The following PTGER3 variants were observed in gnomAD, a reference collection of about 807,000 sequenced individuals.
PTGER3 encodes the protein prostaglandin E2 receptor EP3 subtype.
In PTGER3, 22 loss-of-function variants were observed where a neutral mutation model predicts 34.7. The ratio of observed to expected loss-of-function variants is 0.63; its 90% confidence interval spans 0.45 to 0.91. PTGER3 has a LOEUF of 0.91. PTGER3 is among the 40% of genes least tolerant of loss of function. PTGER3 has a pLI of 0.00. For synonymous variants in PTGER3, 241 were observed against 230.1 expected (o/e 1.05, Z -0.43); for missense variants, 468 against 519.4 (o/e 0.90, Z 0.96).
intron 1 of PTGER3, among the ~76,000 whole-genome samples, chr1:71,037,648 T>G (rs533574521): frequency 3.0e-4 from 46 of 152,358 alleles, no homozygotes; most frequent in African/African-American, 1.1e-3. Context: ...TTAATCTATT[T>G]AGAGCTACAG....
chr1:70,900,074 G>C (rs1352785824), intron 4 of PTGER3, among the ~76,000 whole-genome samples: 1 of 152,102 alleles, frequency 6.6e-6, no homozygotes, highest in Admixed American at 6.5e-5. Context: ...AAAACCTAAA[G>C]CTACCAATTT....
intron 4 of PTGER3, among the ~76,000 whole-genome samples, chr1:70,922,482 C>A (rs1445760182): frequency 6.6e-6 from 1 of 152,178 alleles, no homozygotes; most frequent in East Asian, 1.9e-4. Flanking sequence ...CCTTGCTTTA[C>A]AGCTAGGTAA....
chr1:70,879,004 T>A (rs1646330025), intron 4 of PTGER3, among the ~76,000 whole-genome samples: 1 of 152,196 alleles, frequency 6.6e-6, no homozygotes, highest in African/African-American at 2.4e-5. Flanking sequence ...AAATGTTGTG[T>A]CCACATCTTG....
intron 4 of PTGER3, among the ~76,000 whole-genome samples, chr1:70,899,572 A>G (rs537104694): frequency 3.3e-5 from 5 of 152,106 alleles, no homozygotes; most frequent in Admixed American, 6.5e-5. Context: ...GGCATGAGCC[A>G]GATTATATGG....
intron 4 of PTGER3, among the ~76,000 whole-genome samples, chr1:70,876,611 C>T (rs911319557): frequency 3.3e-5 from 5 of 151,960 alleles, no homozygotes; most frequent in Admixed American, 3.3e-4. Context: ...GCCTTTAATC[C>T]ATCTTGAGTT....
chr1:71,031,348 G>A (rs945279473), intron 1 of PTGER3, among the ~76,000 whole-genome samples: 5 of 151,634 alleles, frequency 3.3e-5, no homozygotes, highest in East Asian at 1.9e-4. Context: ...ATGTTTCTAC[G>A]AATAAATTGG....
At chr1:71,039,493 A>AC (rs1660098709) in intron 1 of PTGER3, among the ~76,000 whole-genome samples, 1 of 151,826 alleles carries the variant, frequency 6.6e-6, no homozygotes, top group African/African-American at 2.4e-5. Context: ...TACTAAAAAT[A>AC]GAAAAAATTA....
At chr1:70,991,449 A>G (rs1655471689) in intron 2 of PTGER3, among the ~76,000 whole-genome samples, 1 of 152,156 alleles carries the variant, frequency 6.6e-6, no homozygotes, top group Non-Finnish European at 1.5e-5. Context: ...TCTGAGCCAG[A>G]ATACTAGGGT....
chr1:70,873,511 A>G (rs1646206851), intron 4 of PTGER3, among the ~76,000 whole-genome samples: 2 of 152,064 alleles, frequency 1.3e-5, no homozygotes, highest in Non-Finnish European at 2.9e-5. Context: ...ACATTCTTAC[A>G]ACGTATTTTC....
chr1:71,007,328 A>AAATT, intron 2 of PTGER3: 1 of 985,820 alleles, frequency 1.0e-6, no homozygotes, highest in Non-Finnish European at 1.2e-6. Context: ...GTACAAAAAC[A>AAATT]TTTGATAAGG....
chr1:71,028,043 A>G (rs540362849), intron 1 of PTGER3, among the ~76,000 whole-genome samples: 4 of 152,106 alleles, frequency 2.6e-5, no homozygotes, highest in Admixed American at 6.5e-5. Flanking sequence ...CTGTGTAGGT[A>G]TCATCACTGC....
intron 4 of PTGER3, among the ~76,000 whole-genome samples, chr1:70,937,318 T>A (rs1339620789): frequency 1.3e-5 from 2 of 152,186 alleles, no homozygotes; most frequent in Non-Finnish European, 2.9e-5. Context: ...TTGTAAAGCA[T>A]TTAACATTCC....
At chr1:71,036,285 A>G (rs1659813844) in intron 1 of PTGER3, among the ~76,000 whole-genome samples, 1 of 152,198 alleles carries the variant, frequency 6.6e-6, no homozygotes, top group South Asian at 2.1e-4. Flanking sequence ...TTTGAAGCCA[A>G]AAAACTTGGA....
Position 71,005,839 on chromosome 1 carries a change from C to A in PTGER3, c.1077+6466G>T, listed in dbSNP as rs183873180. The A allele has an allele frequency of 1.2e-4, 116 of 954,998 alleles. No individual in the cohort carries two copies. In the African/African-American group the frequency reaches 2.0e-3, roughly 16 times the overall value. The allele number at this position is 954,998 out of a possible 1,614,324, so 59.2% of individuals were successfully genotyped here. A position where few individuals can be genotyped will look rare whatever the true frequency, so the allele number is the denominator to read the frequency against. On this transcript the variant is annotated intron_variant, in intron 2 of 3. Transcript: ENST00000306666. ...CATGATGGTGGAAATTTCGGGTGAGCCATAGCCATAGTAGTCATAATGACT... is the reference window on the plus strand; with the variant it reads ...CATGATGGTGGAAATTTCGGGTGAGACATAGCCATAGTAGTCATAATGACT...
chr1:70,997,472 T>A (rs1463429224), intron 2 of PTGER3, among the ~76,000 whole-genome samples: 2 of 152,184 alleles, frequency 1.3e-5, no homozygotes, highest in African/African-American at 4.8e-5. Flanking sequence ...TAAGCAGAGT[T>A]TGATCAAATT....
chr1:70,958,332 C>T (rs1651571998), intron 2 of PTGER3, among the ~76,000 whole-genome samples: 1 of 152,076 alleles, frequency 6.6e-6, no homozygotes, highest in Admixed American at 6.5e-5. Flanking sequence ...GTAAGAGTTC[C>T]CTTTCCTTTG....
chr1:70,945,146 A>T (rs1017042794), intron 4 of PTGER3, among the ~76,000 whole-genome samples: 1 of 152,162 alleles, frequency 6.6e-6, no homozygotes, highest in African/African-American at 2.4e-5. Flanking sequence ...CCCTACTGTT[A>T]TACATATTGC....
At chr1:70,896,018 G>A (rs1446655602) in intron 4 of PTGER3, among the ~76,000 whole-genome samples, 1 of 152,184 alleles carries the variant, frequency 6.6e-6, no homozygotes, top group Non-Finnish European at 1.5e-5. Flanking sequence ...CTCTTTCTGG[G>A]AAAGACTGCC....
chr1:71,009,058 G>C, intron 2 of PTGER3: 1 of 985,100 alleles, frequency 1.0e-6, no homozygotes, highest in Non-Finnish European at 1.2e-6. Flanking sequence ...TGCTGATGTG[G>C]AGAAGGTTGA....
Sources: allele counts gnomAD v4.1 joint callset (sites outside exome capture counted in the v4.1 genomes callset), GRCh38; gene constraint gnomAD v4.1.1; transcripts MANE v1.5; gene names NCBI Gene and HGNC (gene_info 2026-07-23, HGNC 2026-07-21).